PEBP4: variants seen among roughly 807,000 people sequenced by gnomAD.
PEBP4 encodes the protein phosphatidylethanolamine-binding protein 4.
In PEBP4, 22 loss-of-function variants were observed where a neutral mutation model predicts 23.9. That is an observed-to-expected ratio of 0.92 (90% CI 0.66 to 1.31). The LOEUF (loss-of-function observed/expected upper bound fraction) is 1.31. Among genes scored for constraint, PEBP4 ranks in the 40% most tolerant of loss-of-function variants. The pLI, the probability that PEBP4 is intolerant of heterozygous loss-of-function variation, is 0.00. For synonymous variants in PEBP4, 112 were observed against 99.3 expected (o/e 1.13, Z -0.76); for missense variants, 324 against 281.7 (o/e 1.15, Z -1.07).
At chr8:22,802,322 ACCCCCGTG>A (rs1806400523) in intron 4 of PEBP4, among the ~76,000 whole-genome samples, 1 of 149,174 alleles carries the variant, frequency 6.7e-6, no homozygotes, top group Non-Finnish European at 1.5e-5. Flanking sequence ...CATCCCCACT[ACCCCCGTG>A]CCAAGCCTGT....
At chr8:22,938,432 G>A (rs1275690760) in intron 1 of PEBP4, among the ~76,000 whole-genome samples, 2 of 152,072 alleles carry the variant, frequency 1.3e-5, no homozygotes, top group Non-Finnish European at 2.9e-5. Flanking sequence ...TACCTTCCTG[G>A]GTATCTTGTC....
intron 3 of PEBP4, among the ~76,000 whole-genome samples, chr8:22,874,129 G>A (rs1346983054): frequency 2.0e-5 from 3 of 152,098 alleles, no homozygotes; most frequent in Admixed American, 2.0e-4. Context: ...ACCAGAACAC[G>A]GATGCCAGAA....
intron 3 of PEBP4, among the ~76,000 whole-genome samples, chr8:22,822,469 T>C (rs935921584): frequency 3.9e-5 from 6 of 152,070 alleles, no homozygotes; most frequent in African/African-American, 1.2e-4. Flanking sequence ...AAACAAAGTG[T>C]AAACATGATA....
chr8:22,892,831 G>A (rs1397989450), intron 3 of PEBP4, among the ~76,000 whole-genome samples: 1 of 152,146 alleles, frequency 6.6e-6, no homozygotes, highest in Non-Finnish European at 1.5e-5. Flanking sequence ...AACAAATGAA[G>A]GTCTTACAAT....
chr8:22,937,760 G>A (rs1165379880), intron 1 of PEBP4, among the ~76,000 whole-genome samples: 1 of 151,224 alleles, frequency 6.6e-6, no homozygotes, highest in African/African-American at 2.4e-5. Flanking sequence ...AGACTAGAGA[G>A]CCCAGAAATA....
chr8:22,901,618 G>A (rs1183173500), intron 3 of PEBP4, among the ~76,000 whole-genome samples: 4 of 152,282 alleles, frequency 2.6e-5, no homozygotes, highest in African/African-American at 9.6e-5. Context: ...TGAGAACTAG[G>A]AAAACCTCCT....
chr8:22,723,066 C>T (rs1804551157), intron 6 of PEBP4, among the ~76,000 whole-genome samples: 1 of 151,180 alleles, frequency 6.6e-6, no homozygotes, highest in African/African-American at 2.4e-5. Context: ...TAGGTGTGAG[C>T]CACCGCGCCC....
At chr8:22,892,653 G>A (rs1277983182) in intron 3 of PEBP4, among the ~76,000 whole-genome samples, 2 of 152,188 alleles carry the variant, frequency 1.3e-5, no homozygotes, top group Non-Finnish European at 2.9e-5. Context: ...TGTCTGGTTG[G>A]ATTTGAAGAC....
intron 4 of PEBP4, among the ~76,000 whole-genome samples, chr8:22,815,634 C>T (rs1360225004): frequency 3.3e-5 from 5 of 152,216 alleles, no homozygotes; most frequent in Admixed American, 6.5e-5. Context: ...GTGACGGAAA[C>T]CCGCGCCTCC....
At chr8:22,779,220 C>T (rs985510537) in intron 4 of PEBP4, among the ~76,000 whole-genome samples, 5 of 152,150 alleles carry the variant, frequency 3.3e-5, no homozygotes, top group Non-Finnish European at 7.3e-5. Context: ...ATCCAGTCCT[C>T]GTGGGGTTCA....
chr8:22,810,371 G>A (rs1393378103), intron 4 of PEBP4, among the ~76,000 whole-genome samples: 1 of 152,058 alleles, frequency 6.6e-6, no homozygotes, highest in Non-Finnish European at 1.5e-5. Flanking sequence ...TTCTAAGACC[G>A]AGGAAGGATC....
At chr8:22,756,123 C>T (rs904255852) in intron 4 of PEBP4, 4 of 152,240 alleles carry the variant, frequency 2.6e-5, no homozygotes, top group African/African-American at 7.2e-5. Context: ...AACTCCTTGT[C>T]TGAGCATCTT....
At position 22,920,064 on chromosome 8, in the gene PEBP4, G is replaced by A. The variant is rs1809166604; in HGVS notation, c.258+120C>T. The stretch of plus-strand genomic sequence containing the variant: ...AACTTTATGGCAACAGCCATCTGCA[G>A]CCACCAGACCCAACCCAGATGGCTC... On this transcript the variant is annotated intron_variant, in intron 3 of 6. Coordinates refer to ENST00000256404, the MANE Select transcript of PEBP4 (RefSeq NM_144962.3). The A allele has an allele frequency of 3.2e-6, 4 of 1,261,890 alleles. No homozygotes were observed. The African/African-American group carries it at 6.0e-5, about 19-fold the overall frequency. 78.2% of individuals were successfully genotyped at this position (1,261,890 alleles called of 1,614,324 possible). A position where few individuals can be genotyped will look rare whatever the true frequency, so the allele number is the denominator to read the frequency against.
chr8:22,788,190 A>C (rs1055865145), intron 4 of PEBP4, among the ~76,000 whole-genome samples: 1 of 152,176 alleles, frequency 6.6e-6, no homozygotes, highest in Non-Finnish European at 1.5e-5. Context: ...GGCAGGTGGC[A>C]GTGGGATCCA....
Position 22,856,363 on chromosome 8 carries a change from C to T in PEBP4, c.259-38628G>A, listed in dbSNP as rs1276048770. On this transcript the variant is annotated intron_variant, in intron 3 of 6. Transcript: ENST00000256404. ...AAATACAGTGTTGATGAAATGTTGA[C>T]AGTATGATAATAGAAATTGGGTTAA... 2.6e-5 allele frequency among the ~76,000 whole-genome samples: 4 copies of T among 152,194 alleles called. No homozygotes were observed. In the East Asian group the frequency reaches 5.8e-4, roughly 22 times the overall value.
intron 4 of PEBP4, among the ~76,000 whole-genome samples, chr8:22,761,404 G>A (rs1214659604): frequency 3.9e-5 from 6 of 152,120 alleles, no homozygotes; most frequent in Non-Finnish European, 5.9e-5. Context: ...GGGGGGAGGC[G>A]GGGAAGGCGG....
intron 2 of PEBP4, chr8:22,924,825 G>A (rs572710978): frequency 1.0e-6 from 1 of 985,364 alleles, no homozygotes; most frequent in Admixed American, 6.1e-5. Flanking sequence ...TGCTGGTCTT[G>A]TCTGGGGTAT....
chr8:22,922,229 G>C (rs927540577), intron 2 of PEBP4, among the ~76,000 whole-genome samples: 3 of 152,242 alleles, frequency 2.0e-5, no homozygotes, highest in Non-Finnish European at 2.9e-5. Context: ...TGATGGGAAA[G>C]GGGCATGTGC....
chr8:22,827,459 C>T (rs1462556880), intron 3 of PEBP4, among the ~76,000 whole-genome samples: 1 of 152,106 alleles, frequency 6.6e-6, no homozygotes, highest in East Asian at 1.9e-4. Context: ...CCTTTTTGCC[C>T]TTCCTGGACA....
Sources: gnomAD v4.1 joint callset for allele counts (sites outside exome capture counted in the v4.1 genomes callset) on GRCh38, gnomAD v4.1.1 for gene constraint, MANE v1.5 for transcripts, NCBI Gene and HGNC (gene_info 2026-07-23, HGNC 2026-07-21) for gene names.